Variants in PCDHA3 observed in about 807,000 individuals in gnomAD.
The protein encoded by PCDHA3 is protocadherin alpha 3, also known as protocadherin alpha-3.
In PCDHA3, 41 loss-of-function variants were observed where a neutral mutation model predicts 62.2. The ratio of observed to expected loss-of-function variants is 0.66; its 90% CI spans 0.51 to 0.86. PCDHA3 has a LOEUF of 0.86. Among genes scored for constraint, PCDHA3 ranks in the 40% least tolerant of loss-of-function variants. PCDHA3 has a pLI of 0.00. For missense variants in PCDHA3, 1,304 were observed against 1,241.2 expected (o/e 1.05, Z -0.76); for synonymous variants, 640 against 555.4 (o/e 1.15, Z -2.14).
At chr5:140,868,764 T>G (rs1202050223) in intron 1 of PCDHA3, 2 of 238,724 alleles carry the variant, frequency 8.4e-6, no homozygotes, top group Non-Finnish European at 1.6e-5. Flanking sequence ...ATATATTTAG[T>G]TTCAATATGA....
intron 1 of PCDHA3, chr5:140,852,862 T>C (rs1477791467): frequency 2.1e-6 from 2 of 960,286 alleles, no homozygotes; most frequent in East Asian, 1.1e-4. Context: ...GCATTTACTA[T>C]GTCATCAATA....
At chr5:140,809,221 C>A (rs782747524) in intron 1 of PCDHA3, 2 of 1,614,078 alleles carry the variant, frequency 1.2e-6, no homozygotes, top group Non-Finnish European at 1.7e-6. Flanking sequence ...CGCCAAAGGC[C>A]TCCTCACGGG....
chr5:140,939,501 G>A (rs1270789150), intron 1 of PCDHA3, among the ~76,000 whole-genome samples: 1 of 150,708 alleles, frequency 6.6e-6, no homozygotes. Context: ...TAAATTCAAT[G>A]TCTATAACAT....
At chr5:140,857,386 C>T (rs782509093) in intron 1 of PCDHA3, 1 of 1,598,308 alleles carries the variant, frequency 6.3e-7, no homozygotes. Context: ...AGGTGGCCGA[C>T]GTGAACGACA....
chr5:140,852,764 A>T (rs1488234251), intron 1 of PCDHA3: 1 of 983,098 alleles, frequency 1.0e-6, no homozygotes, highest in Non-Finnish European at 1.2e-6. Flanking sequence ...CAGGTATCTG[A>T]TTATTTGATG....
chr5:140,889,032 AT>A (rs1357652460), intron 1 of PCDHA3, among the ~76,000 whole-genome samples: 12 of 152,198 alleles, frequency 7.9e-5, no homozygotes, highest in South Asian at 6.2e-4. Context: ...GATAACCGTA[AT>A]TTGATTATAA....
At chr5:140,911,866 T>A (rs139180139) in intron 1 of PCDHA3, among the ~76,000 whole-genome samples, 31 of 152,320 alleles carry the variant, frequency 2.0e-4, no homozygotes, top group Non-Finnish European at 4.3e-4. Context: ...TCTGTTCTTC[T>A]GGAACCACTC....
chr5:140,886,158 C>A (rs888588847), intron 1 of PCDHA3, among the ~76,000 whole-genome samples: 2 of 152,142 alleles, frequency 1.3e-5, no homozygotes, highest in South Asian at 4.1e-4. Context: ...CTTTTTATAG[C>A]CACATCTGCT....
rs2150443842 is a variant in PCDHA3 at position 140,849,644 on chromosome 5, G to A, written c.2394+46053G>A. 141 of 1,598,706 alleles carry A rather than the reference G, an allele frequency of 8.8e-5. 10 individuals are homozygous for A. In the East Asian group the frequency reaches 1.0e-3, roughly 12 times the overall value. ...TCGACCTAGACGCAGATGCCAACGG[G>A]CAGGTTACCTGCTCCCTGACGCCCC... On this transcript the variant is annotated intron_variant, in intron 1 of 3. Coordinates refer to ENST00000522353, the MANE Select transcript of PCDHA3 (RefSeq NM_018906.3).
At chr5:140,870,425 C>T (rs531014522) in intron 1 of PCDHA3, 19 of 1,614,072 alleles carry the variant, frequency 1.2e-5, no homozygotes, top group Non-Finnish European at 1.5e-5. Context: ...GCCAGGGTAT[C>T]CGTGGAGGTG....
At chr5:140,881,239 A>G in intron 1 of PCDHA3, 1 of 370,812 alleles carries the variant, frequency 2.7e-6, no homozygotes. Flanking sequence ...AGTCAATTTA[A>G]ATGACGGCAA....
intron 1 of PCDHA3, among the ~76,000 whole-genome samples, chr5:140,844,093 C>T (rs2150368688): frequency 2.7e-5 from 4 of 149,720 alleles, no homozygotes; most frequent in African/African-American, 9.8e-5. Flanking sequence ...AACTCTTAAT[C>T]TTACTCCATA....
intron 1 of PCDHA3, among the ~76,000 whole-genome samples, chr5:140,845,552 T>C (rs2150379809): frequency 0.45 from 67,291 of 148,608 alleles, 18,811 homozygotes; most frequent in South Asian, 0.64. Context: ...ATGGTGATGC[T>C]TTTAGCTATT....
intron 1 of PCDHA3, among the ~76,000 whole-genome samples, chr5:140,912,536 A>G (rs1554195402): frequency 2.0e-5 from 3 of 152,290 alleles, no homozygotes; most frequent in African/African-American, 4.8e-5. Flanking sequence ...GTACATGATC[A>G]TATTGTCAGC....
chr5:140,947,763 AAT>A (rs1396909113), intron 1 of PCDHA3, among the ~76,000 whole-genome samples: 1 of 151,658 alleles, frequency 6.6e-6, no homozygotes, highest in Non-Finnish European at 1.5e-5. Flanking sequence ...TGGTTTAAAA[AAT>A]TCTATTGTAA....
chr5:140,808,989 C>T lies in PCDHA3; in HGVS notation c.2394+5398C>T. 1 of 1,613,702 alleles carries T rather than the reference C, an allele frequency of 6.2e-7. No individual in the cohort carries two copies. Among genetic ancestry groups the T allele is most frequent in the Non-Finnish European group, 8.5e-7 (1 of 1,179,748 alleles). On this transcript the variant is annotated intron_variant, in intron 1 of 3. Coordinates refer to ENST00000522353, the MANE Select transcript of PCDHA3 (RefSeq NM_018906.3). ...AAGGTGCGCGCGGTGGATGCTGACT[C>T]GGGCTACAACGCGTGGCTTTCGTAC...
At chr5:140,969,346 AG>A (rs2096322383) in intron 1 of PCDHA3, 1 of 1,613,510 alleles carries the variant, frequency 6.2e-7, no homozygotes, top group African/African-American at 1.3e-5. Flanking sequence ...GACAGTGGTC[AG>A]GGGGTCTTCT....
In PCDHA3 at chr5:140,857,009, G is replaced by T; in HGVS notation, c.2394+53418G>T. 2 of 1,596,020 alleles carry T rather than the reference G, an allele frequency of 1.3e-6. 1 individual carries two copies. The highest frequency in any genetic ancestry group is 1.7e-6 in the Non-Finnish European group (2 of 1,165,702). On this transcript the variant is annotated intron_variant, in intron 1 of 3. Transcript: ENST00000522353. ...TAACACTTATGAAATTCATGTAGAT[G>T]TTACAGATAAGGGAAACCCACCTAT...
intron 1 of PCDHA3, among the ~76,000 whole-genome samples, chr5:140,972,728 A>T (rs189687890): frequency 6.8e-6 from 1 of 147,854 alleles, no homozygotes; most frequent in East Asian, 2.0e-4. Context: ...CAGTGGCGTA[A>T]TCCCGGCTCA....
Sources: gnomAD v4.1 joint callset for allele counts (sites outside exome capture counted in the v4.1 genomes callset) on GRCh38, gnomAD v4.1.1 for gene constraint, MANE v1.5 for transcripts, NCBI Gene and HGNC (gene_info 2026-07-23, HGNC 2026-07-21) for gene names.